The following LRRC7 variants were observed in gnomAD, a reference collection of about 807,000 sequenced individuals.
The protein encoded by LRRC7 is leucine-rich repeat-containing protein 7.
In LRRC7, 23 loss-of-function variants were observed where a neutral mutation model predicts 175.7. That is an observed-to-expected ratio of 0.13 (90% CI 0.09 to 0.19). LRRC7 has a LOEUF of 0.19. LRRC7 is among the 10% of genes least tolerant of loss of function. The pLI is 1.00. For missense variants in LRRC7, 1,354 were observed against 1,904.7 expected, an observed-to-expected ratio of 0.71 and a Z score of 5.38; for synonymous variants, 685 against 680.9, an observed-to-expected ratio of 1.01 and a Z score of -0.09.
At chr1:69,886,968 G>T (rs1330903543) in intron 7 of LRRC7, among the ~76,000 whole-genome samples, 1 of 151,780 alleles carries the variant, frequency 6.6e-6, no homozygotes, top group Non-Finnish European at 1.5e-5. Flanking sequence ...TGGCTTGTAG[G>T]GTTTCTGCCG....
chr1:69,905,425 A>T (rs1275136355), intron 7 of LRRC7, among the ~76,000 whole-genome samples: 1 of 151,976 alleles, frequency 6.6e-6, no homozygotes, highest in East Asian at 1.9e-4. Context: ...ACCCCACAAC[A>T]GTCCCCAGAG....
Position 70,124,346 on chromosome 1 carries a change from A to G in LRRC7, c.*2459A>G, listed in dbSNP as rs911655753. On this transcript the variant is annotated 3_prime_UTR_variant, in exon 27 of 27. Coordinates refer to ENST00000651989, the MANE Select transcript of LRRC7 (RefSeq NM_001370785.2). The stretch of plus-strand genomic sequence containing the variant: ...AGACCAGCCTGGCCAACATGGTGAA[A>G]CGCCATCTCTACTAAAAATACAAAA... Among the ~76,000 whole-genome samples the G allele has an allele frequency of 6.6e-6, 1 of 152,098 alleles. No homozygotes were observed. Among genetic ancestry groups the G allele is most frequent in the Non-Finnish European group, 1.5e-5 (1 of 68,018 alleles).
chr1:69,917,725 T>C (rs971364563), intron 7 of LRRC7, among the ~76,000 whole-genome samples: 13 of 152,158 alleles, frequency 8.5e-5, no homozygotes, highest in Non-Finnish European at 1.8e-4. Flanking sequence ...AGAAGTTTCC[T>C]TTTCCATTCA....
chr1:69,857,413 A>G (rs1282990518), intron 7 of LRRC7, among the ~76,000 whole-genome samples: 1 of 152,188 alleles, frequency 6.6e-6, no homozygotes, highest in Non-Finnish European at 1.5e-5. Context: ...AACTTCAGCA[A>G]ACTCTCAGGA....
chr1:69,813,545 A>G (rs1010727980), intron 4 of LRRC7, among the ~76,000 whole-genome samples: 21 of 152,200 alleles, frequency 1.4e-4, no homozygotes, highest in African/African-American at 4.8e-4. Context: ...AGCTCACTTC[A>G]GAGAAGAAGC....
At chr1:69,990,249 A>C (rs570064327) in intron 10 of LRRC7, among the ~76,000 whole-genome samples, 1 of 152,188 alleles carries the variant, frequency 6.6e-6, no homozygotes, top group Non-Finnish European at 1.5e-5. Flanking sequence ...AATTTGGTAG[A>C]AATTAAGAAA....
At chr1:70,047,153 C>T (rs1160618819) in intron 22 of LRRC7, among the ~76,000 whole-genome samples, 1 of 152,094 alleles carries the variant, frequency 6.6e-6, no homozygotes, top group Non-Finnish European at 1.5e-5. Context: ...TTTAAACAAA[C>T]ATTTTCAGCA....
At chr1:69,799,149 A>G (rs1359710704) in intron 4 of LRRC7, among the ~76,000 whole-genome samples, 3 of 149,112 alleles carry the variant, frequency 2.0e-5, no homozygotes, top group Non-Finnish European at 3.0e-5. Context: ...TTGTCTCCCA[A>G]TTTGTGGCTT....
rs768770429 is a variant in LRRC7 at position 70,036,110 on chromosome 1, A to G, written c.1996-11A>G. 1 of 1,588,856 alleles carries G rather than the reference A, an allele frequency of 6.3e-7. No homozygotes were observed. The highest frequency in any genetic ancestry group is 1.3e-5 in the African/African-American group (1 of 74,142). ...TTTACTTTCCTTGTCCTGTATTATT[A>G]TATCTCTCAGGATTCTTTTGTTCAT... On this transcript the variant is annotated splice_polypyrimidine_tract_variant and intron_variant, in intron 18 of 26. Coordinates refer to ENST00000651989, the MANE Select transcript of LRRC7 (RefSeq NM_001370785.2).
In LRRC7 at chr1:70,138,732, A is replaced by G. The variant is rs1261160742; in HGVS notation, c.*16845A>G. 6.6e-6 allele frequency: 1 copy of G among 152,226 alleles called. No homozygotes were observed. The highest frequency in any genetic ancestry group is 1.5e-5 in the Non-Finnish European group (1 of 68,040). 9.4% of individuals were successfully genotyped at this position (152,226 alleles called of 1,614,324 possible). Reference sequence around the variant, plus strand: ...TAGTAAAACCATTAAATACAGTAGTATCTGGTGGCCTTTCTGTGTGGAGGA... The same window carrying G: ...TAGTAAAACCATTAAATACAGTAGTGTCTGGTGGCCTTTCTGTGTGGAGGA... On this transcript the variant is annotated 3_prime_UTR_variant, in exon 27 of 27. Transcript: ENST00000651989.
At chr1:69,976,880 G>A (rs1269424595) in intron 8 of LRRC7, among the ~76,000 whole-genome samples, 1 of 152,074 alleles carries the variant, frequency 6.6e-6, no homozygotes, top group Non-Finnish European at 1.5e-5. Flanking sequence ...CTTCTAAGTT[G>A]TATCTCCAGC....
chr1:69,812,396 A>G (rs1007602784), intron 4 of LRRC7, among the ~76,000 whole-genome samples: 1 of 152,192 alleles, frequency 6.6e-6, no homozygotes, highest in South Asian at 2.1e-4. Context: ...ATAATGAATC[A>G]CTTTACAAAA....
intron 1 of LRRC7, among the ~76,000 whole-genome samples, chr1:69,660,984 A>G (rs889822964): frequency 2.0e-5 from 3 of 152,138 alleles, no homozygotes; most frequent in African/African-American, 7.2e-5. Flanking sequence ...AATATAAATA[A>G]CTTATTTAGA....
In LRRC7 at chr1:69,955,302, G is replaced by A. The variant is rs927264431; in HGVS notation, c.711+23732G>A. Among the ~76,000 whole-genome samples the A allele has an allele frequency of 5.3e-5, 8 of 152,050 alleles. No individual in the cohort carries two copies. The South Asian group carries it at 1.0e-3, about 20-fold the overall frequency. ...GAATGTAAAATTTCAGCTATGCCAA[G>A]TGTTGAGGAGCCTCTATCAGATTTG... On this transcript the variant is annotated intron_variant, in intron 8 of 26. Transcript: ENST00000651989.
rs1000757756 is a variant in LRRC7, at chr1:70,128,982, A to T, written c.*7095A>T. ...GTCACGAAGCCGGGTGCGGTGACTT[A>T]TGCCTGTAATCCCAGCACTTAGGGA... is the stretch of plus-strand genomic sequence containing the variant. On this transcript the variant is annotated 3_prime_UTR_variant, in exon 27 of 27. Transcript: ENST00000651989. Among the ~76,000 whole-genome samples, 4 of 152,132 alleles carry T rather than the reference A, an allele frequency of 2.6e-5. No individual in the cohort carries two copies. The highest frequency in any genetic ancestry group is 5.9e-5 in the Non-Finnish European group (4 of 68,032).
chr1:69,873,726 C>T (rs1685778769), intron 7 of LRRC7: 2 of 209,850 alleles, frequency 9.5e-6, no homozygotes, highest in East Asian at 1.2e-4. Context: ...TAAAGTTTAA[C>T]GATGACATTT....
intron 23 of LRRC7, among the ~76,000 whole-genome samples, chr1:70,065,165 T>C (rs1661875603): frequency 1.3e-5 from 2 of 152,030 alleles, no homozygotes; most frequent in South Asian, 4.1e-4. Context: ...CAGGGTACCT[T>C]GCATAGGTGA....
intron 1 of LRRC7, 89 bp downstream of exon 1, chr1:69,568,730 G>A (rs1645603299): frequency 2.1e-6 from 2 of 965,520 alleles, no homozygotes; most frequent in Non-Finnish European, 2.6e-6. Context: ...GGACCCCAGA[G>A]GCCGGCCGGG....
intron 11 of LRRC7, among the ~76,000 whole-genome samples, chr1:70,010,479 C>T (rs1032253361): frequency 6.6e-6 from 1 of 152,100 alleles, no homozygotes; most frequent in African/African-American, 2.4e-5. Flanking sequence ...ACAGGAGCAT[C>T]ACTTGAACCC....
Sources: gnomAD v4.1 joint callset for allele counts (sites outside exome capture counted in the v4.1 genomes callset) on GRCh38, gnomAD v4.1.1 for gene constraint, MANE v1.5 for transcripts, NCBI Gene and HGNC (gene_info 2026-07-23, HGNC 2026-07-21) for gene names.